RGS5: variants seen among roughly 807,000 people sequenced by gnomAD.
RGS5 encodes regulator of G protein signaling 5, also known as regulator of G-protein signalling 5.
A neutral mutation model predicts 18.9 loss-of-function variants in RGS5; 20 were observed. The ratio of observed to expected loss-of-function variants is 1.06; its 90% confidence interval spans 0.74 to 1.54. The LOEUF is 1.54. Ranked by LOEUF, RGS5 falls within the 40% of genes most tolerant of loss-of-function variation. The pLI is 0.00. For synonymous variants in RGS5, 57 were observed against 76.2 expected (o/e 0.75, Z 1.31); for missense variants, 201 against 211.8 (o/e 0.95, Z 0.32).
chr1:163,246,447 T>A (rs903251098), intron 2 of RGS5, among the ~76,000 whole-genome samples: 4 of 151,536 alleles, frequency 2.6e-5, no homozygotes, highest in African/African-American at 9.7e-5. Flanking sequence ...GGCGTGCACC[T>A]GTAGTCCCAG....
chr1:163,155,051 C>T (rs1657529440), intron 3 of RGS5, among the ~76,000 whole-genome samples: 1 of 152,062 alleles, frequency 6.6e-6, no homozygotes, highest in South Asian at 2.1e-4. Context: ...AAAACATTCT[C>T]AGGCATGTTT....
At chr1:163,196,044 T>A (rs1298398170) in intron 1 of RGS5, among the ~76,000 whole-genome samples, 2 of 152,106 alleles carry the variant, frequency 1.3e-5, no homozygotes, top group Non-Finnish European at 2.9e-5. Context: ...CTCACATCCT[T>A]CCTTACTGTG....
Position 163,179,645 on chromosome 1 carries a change from T to C in RGS5, c.45-11277A>G, listed in dbSNP as rs141643459. On this transcript the variant is annotated intron_variant, in intron 1 of 4. Coordinates refer to ENST00000313961, the MANE Select transcript of RGS5 (RefSeq NM_003617.4). ...CAGTACTTTTATGGGTGATCTTGAA[T>C]ATGTTATTTGAGCTCTCCTGTTTTC... is the stretch of plus-strand genomic sequence containing the variant. Among the ~76,000 whole-genome samples the C allele has an allele frequency of 2.0e-3, 304 of 152,310 alleles. 2 individuals carry two copies. The highest frequency in any genetic ancestry group is 0.015 in the Admixed American group (228 of 15,302).
exon 1 of RGS5, chr1:163,217,589 G>A (rs1167010989): frequency 1.0e-5 from 16 of 1,545,880 alleles, no homozygotes; most frequent in South Asian, 2.4e-5. Context: ...TGTTTCTTGC[G>A]CACATTTTTC....
intron 1 of RGS5, among the ~76,000 whole-genome samples, chr1:163,184,467 A>G (rs796863094): frequency 5.9e-4 from 89 of 152,096 alleles, no homozygotes; most frequent in African/African-American, 2.1e-3. Flanking sequence ...ACAGAAGAAG[A>G]GTTAGCAAGG....
chr1:163,250,826 A>T (rs1557919587), intron 2 of RGS5, among the ~76,000 whole-genome samples: 1 of 152,220 alleles, frequency 6.6e-6, no homozygotes, highest in African/African-American at 2.4e-5. Flanking sequence ...GGAATTTATG[A>T]TCTATAAAAC....
chr1:163,186,977 A>G (rs538906543), intron 1 of RGS5, among the ~76,000 whole-genome samples: 1 of 152,300 alleles, frequency 6.6e-6, no homozygotes, highest in African/African-American at 2.4e-5. Context: ...CTAGTCTGTC[A>G]TAATTGTCAA....
At chr1:163,298,676 C>T (rs1262262844) in intron 2 of RGS5, among the ~76,000 whole-genome samples, 1 of 152,060 alleles carries the variant, frequency 6.6e-6, no homozygotes, top group African/African-American at 2.4e-5. Context: ...TGTGGTGTCT[C>T]CTGTGAGTTA....
intron 2 of RGS5, among the ~76,000 whole-genome samples, chr1:163,302,400 T>C (rs1649576514): frequency 6.6e-6 from 1 of 152,192 alleles, no homozygotes; most frequent in Admixed American, 6.5e-5. Context: ...CTTACCTATA[T>C]TTCCTTTTCA....
At chr1:163,310,379 G>A (rs964131170) in intron 1 of RGS5, among the ~76,000 whole-genome samples, 2 of 152,034 alleles carry the variant, frequency 1.3e-5, no homozygotes, top group African/African-American at 4.8e-5. Flanking sequence ...GAGGTCAGGA[G>A]ATCAAGACCA....
intron 2 of RGS5, among the ~76,000 whole-genome samples, chr1:163,243,375 C>T (rs1315970834): frequency 6.6e-6 from 1 of 151,992 alleles, no homozygotes; most frequent in Non-Finnish European, 1.5e-5. Context: ...AGGCCGGGCG[C>T]GGTGGCTCAC....
rs866971353 is a variant in RGS5, at chr1:163,152,714, C to A, written c.220G>T (p.Gly74Ter). Reference sequence around the variant, plus strand: ...AGGAAACTTTTGAAACTGGCAAGTCCATCTGGAAAGAAAAAAACAGTCAGC... The same window carrying A: ...AGGAAACTTTTGAAACTGGCAAGTCAATCTGGAAAGAAAAAAACAGTCAGC... ...SLDKLLQNNY[G>*]LASFKSFLKS... Residue 74 changes from glycine to a stop codon, truncating the protein, a stop_gained and splice_region_variant, in exon 4 of 5, where the codon GGA (glycine) becomes TGA (stop). Coordinates refer to ENST00000313961, the MANE Select transcript of RGS5 (RefSeq NM_003617.4). LOFTEE classifies it high-confidence loss of function. 6.4e-7 allele frequency: 1 copy of A among 1,573,566 alleles called. No homozygotes were observed. Among genetic ancestry groups the A allele is most frequent in the Non-Finnish European group, 8.6e-7 (1 of 1,165,088 alleles).
chr1:163,147,618 A>G (rs2102378305), intron 4 of RGS5, 115 bp from the exon 5 acceptor site: 1 of 950,802 alleles, frequency 1.1e-6, no homozygotes. Context: ...GAAAGTCATT[A>G]AAAACTGAGA....
At chr1:163,208,347 C>CAAAAAAA (rs55848330) in intron 1 of RGS5, among the ~76,000 whole-genome samples, 3 of 37,892 alleles carry the variant, frequency 7.9e-5, no homozygotes, top group African/African-American at 1.3e-4. Context: ...GACTCCGTCT[C>CAAAAAAA]AAAAAAAAAA....
At chr1:163,190,261 C>T (rs10753608) in intron 1 of RGS5, among the ~76,000 whole-genome samples, 68,615 of 152,002 alleles carry the variant, frequency 0.45, 16,300 homozygotes, top group East Asian at 0.72. Flanking sequence ...AGTGCCTCCC[C>T]GTGACAACTA....
chr1:163,248,346 G>C (rs1474974720), intron 2 of RGS5: 1 of 152,024 alleles, frequency 6.6e-6, no homozygotes, highest in Non-Finnish European at 1.5e-5. Context: ...ACTCCATCAG[G>C]GTGTCATGGA....
chr1:163,221,764 C>T (rs1431135961), upstream of RGS5, among the ~76,000 whole-genome samples: 2 of 152,118 alleles, frequency 1.3e-5, no homozygotes, highest in African/African-American at 4.8e-5. Context: ...GGAGTTGCTT[C>T]CTGATGAAGT....
At chr1:163,177,542 C>T (rs1271061978) in intron 1 of RGS5, among the ~76,000 whole-genome samples, 1 of 152,144 alleles carries the variant, frequency 6.6e-6, no homozygotes, top group Non-Finnish European at 1.5e-5. Flanking sequence ...CTTCTTCAGT[C>T]ACCTGGGGGA....
chr1:163,273,138 G>A (rs60713574), intron 2 of RGS5, among the ~76,000 whole-genome samples: 10,183 of 152,014 alleles, frequency 0.067, 354 homozygotes, highest in South Asian at 0.094. Context: ...GCATTGAGAC[G>A]TATTTAGTGG....
Sources: allele counts gnomAD v4.1 joint callset (sites outside exome capture counted in the v4.1 genomes callset), GRCh38; gene constraint gnomAD v4.1.1; transcripts MANE v1.5; gene names NCBI Gene and HGNC (gene_info 2026-07-23, HGNC 2026-07-21).